Variants in PTPN14 observed in about 807,000 individuals in gnomAD.
PTPN14 encodes protein tyrosine phosphatase non-receptor type 14, also known as tyrosine-protein phosphatase non-receptor type 14.
Under a neutral mutation model 126.8 loss-of-function variants are expected in PTPN14, and 53 were observed. The ratio of observed to expected loss-of-function variants is 0.42; its 90% CI spans 0.34 to 0.53. The LOEUF is 0.53. Among genes scored for constraint, PTPN14 ranks in the 20% least tolerant of loss-of-function variants. The pLI, the probability that PTPN14 is intolerant of heterozygous loss-of-function variation, is 0.08. For missense variants in PTPN14, 1,257 were observed against 1,552.9 expected, an observed-to-expected ratio of 0.81 and a Z score of 3.20; for synonymous variants, 630 against 599.3, an observed-to-expected ratio of 1.05 and a Z score of -0.75.
At chr1:214,506,533 A>G (rs970718071) in intron 1 of PTPN14, among the ~76,000 whole-genome samples, 5 of 152,158 alleles carry the variant, frequency 3.3e-5, no homozygotes, top group African/African-American at 9.7e-5. Context: ...AAATAAATAA[A>G]TAAATAAATA....
chr1:214,369,391 C>T, intron 17 of PTPN14, 66 bp downstream of exon 17: 16 of 1,439,116 alleles, frequency 1.1e-5, no homozygotes, highest in Non-Finnish European at 1.5e-5. Context: ...TCATCTCCAA[C>T]AGATGAATTA....
intron 3 of PTPN14, among the ~76,000 whole-genome samples, chr1:214,430,609 T>G (rs11810814): frequency 0.15 from 22,217 of 152,224 alleles, 1,768 homozygotes; most frequent in South Asian, 0.27. Context: ...GACTTGAACT[T>G]CAATCTTCCC....
chr1:214,377,409 G>C (rs1658368497), intron 14 of PTPN14, among the ~76,000 whole-genome samples: 1 of 152,072 alleles, frequency 6.6e-6, no homozygotes, highest in African/African-American at 2.4e-5. Context: ...GGAGCAGAGA[G>C]GATAACCATG....
intron 4 of PTPN14, among the ~76,000 whole-genome samples, chr1:214,413,174 G>A (rs1169237374): frequency 6.6e-6 from 1 of 152,098 alleles, no homozygotes; most frequent in Non-Finnish European, 1.5e-5. Context: ...ACCACACCCA[G>A]CCCAACGAAA....
At chr1:214,390,056 C>A (rs1189891868) in intron 11 of PTPN14, among the ~76,000 whole-genome samples, 3 of 152,180 alleles carry the variant, frequency 2.0e-5, no homozygotes, top group African/African-American at 4.8e-5. Context: ...AAAACGCTCC[C>A]TTCAAAAGAC....
At chr1:214,465,970 T>TTTTTTTTTTTTTTTTTTTG in intron 1 of PTPN14, among the ~76,000 whole-genome samples, 1 of 137,336 alleles carries the variant, frequency 7.3e-6, no homozygotes, top group African/African-American at 2.9e-5. Context: ...TTTTTTTTTT[T>TTTTTTTTTTTTTTTTTTTG]TGTGAAGACG....
chr1:214,519,647 A>T (rs41341746), intron 1 of PTPN14, among the ~76,000 whole-genome samples: 2,969 of 152,292 alleles, frequency 0.019, 81 homozygotes, highest in African/African-American at 0.068. Context: ...GCTTGCATAT[A>T]CTGTTTTTTG....
intron 2 of PTPN14, among the ~76,000 whole-genome samples, chr1:214,452,246 C>T (rs1380042888): frequency 1.3e-5 from 2 of 152,184 alleles, no homozygotes; most frequent in Non-Finnish European, 2.9e-5. Context: ...TAAGGGGAGT[C>T]GCGCAGGGAA....
chr1:214,462,876 TATTAAGACTCTC>T (rs1660543300), intron 2 of PTPN14, among the ~76,000 whole-genome samples: 1 of 152,226 alleles, frequency 6.6e-6, no homozygotes, highest in Non-Finnish European at 1.5e-5. Flanking sequence ...TTAAGTTGTT[TATTAAGACTCTC>T]AAATTTGAAC....
At position 214,373,629 on chromosome 1, in the gene PTPN14, G is replaced by A. The variant is rs116469625; in HGVS notation, c.2908-790C>T. Among the ~76,000 whole-genome samples the A allele has an allele frequency of 5.0e-4, 71 of 142,832 alleles. 1 individual carries two copies. The highest frequency in any genetic ancestry group is 1.7e-3 in the African/African-American group (66 of 37,768). 93.7% of individuals were successfully genotyped at this position (142,832 alleles called of 152,430 possible). On this transcript the variant is annotated intron_variant, in intron 15 of 18. Transcript: ENST00000366956. Reference sequence around the variant, plus strand: ...CACACCTGGTCATGACCACTAAACTGATTTCACATTCTACCACTGTGTTGT... The same window carrying A: ...CACACCTGGTCATGACCACTAAACTAATTTCACATTCTACCACTGTGTTGT...
At chr1:214,548,380 G>A (rs1446121062) in intron 1 of PTPN14, among the ~76,000 whole-genome samples, 1 of 152,266 alleles carries the variant, frequency 6.6e-6, no homozygotes, top group South Asian at 2.1e-4. Context: ...ATTTAAATCC[G>A]TAAGGGGAGA....
intron 15 of PTPN14, among the ~76,000 whole-genome samples, chr1:214,375,520 T>C (rs1004234914): frequency 2.0e-5 from 3 of 152,178 alleles, no homozygotes; most frequent in African/African-American, 7.2e-5. Context: ...CTGAGGAAGG[T>C]AAGCTATTTA....
chr1:214,494,359 G>A (rs1031382298), intron 1 of PTPN14, among the ~76,000 whole-genome samples: 1 of 152,056 alleles, frequency 6.6e-6, no homozygotes, highest in African/African-American at 2.4e-5. Flanking sequence ...ACAGCACCCG[G>A]CCCCTCCTCT....
Position 214,364,766 on chromosome 1 carries a change from AGTGTGTGTGTGTGTGTGTGTGTGTGT to A in PTPN14, c.3272-117_3272-92del, listed in dbSNP as rs57429060. 21 of 590,314 alleles carry A rather than the reference AGTGTGTGTGTGTGTGTGTGTGTGTGT, an allele frequency of 3.6e-5. No homozygotes were observed. The highest frequency in any genetic ancestry group is 5.8e-5 in the Non-Finnish European group (21 of 363,630). The allele number at this position is 590,314 out of a possible 1,614,324, so 36.6% of individuals were successfully genotyped here. A position where few individuals can be genotyped will look rare whatever the true frequency, so the allele number is the denominator to read the frequency against. On this transcript the variant is annotated intron_variant, in intron 17 of 18. Transcript: ENST00000366956. This position sits in a 1 kb window ranked among gnomAD's most constrained non-coding sequence, Gnocchi z 4.1. ...GGGGAGCGGAAGAGAACTGATGGTG[AGTGTGTGTGTGTGTGTGTGTGTGTGT>A]GTGTGTGTGTGTGTTTTAAGTGACA...
In PTPN14 at chr1:214,473,403, C is replaced by T. The variant is rs145235660; in HGVS notation, c.-154-8446G>A. On this transcript the variant is annotated intron_variant, in intron 1 of 18. Transcript: ENST00000366956. The stretch of plus-strand genomic sequence containing the variant: ...AAATCCAAATCCTAAACATGGTCAC[C>T]GCACTTTCTTTTTAGTTCCCATGCT... 2.0e-5 allele frequency among the ~76,000 whole-genome samples: 3 copies of T among 152,310 alleles called. No individual in the cohort carries two copies. In the East Asian group the frequency reaches 5.8e-4, roughly 29 times the overall value.
At chr1:214,528,758 C>T (rs1016452321) in intron 1 of PTPN14, 3 of 151,918 alleles carry the variant, frequency 2.0e-5, no homozygotes, top group Non-Finnish European at 4.4e-5. Context: ...TGGTGAAACT[C>T]CATCTCTACT....
chr1:214,426,829 G>A (rs2102601340), intron 3 of PTPN14, among the ~76,000 whole-genome samples: 1 of 152,330 alleles, frequency 6.6e-6, no homozygotes, highest in African/African-American at 2.4e-5. Flanking sequence ...AGATGCCAGT[G>A]TGGGGCAGTC....
intron 1 of PTPN14, among the ~76,000 whole-genome samples, chr1:214,492,177 T>C (rs1330968225): frequency 6.6e-6 from 1 of 151,866 alleles, no homozygotes; most frequent in African/African-American, 2.4e-5. Context: ...TGCAGGATAC[T>C]GTGTTTAAAA....
rs17022751 is a variant in PTPN14, at chr1:214,374,187, C to T, written c.2908-1348G>A. On this transcript the variant is annotated intron_variant, in intron 15 of 18. Transcript: ENST00000366956. ...AGAGTTCAAAAAGTAATGAAGTAAT[C>T]ATTGTTTGAAACTTTTTCCCCTCAT... 7.3e-3 allele frequency among the ~76,000 whole-genome samples: 1,105 copies of T among 152,276 alleles called. 11 individuals carry two copies. The highest frequency in any genetic ancestry group is 0.025 in the African/African-American group (1,048 of 41,558).
Sources: gnomAD v4.1 joint callset for allele counts (sites outside exome capture counted in the v4.1 genomes callset) on GRCh38, gnomAD v4.1.1 for gene constraint, Gnocchi (gnomAD v3.1) non-coding constraint, MANE v1.5 for transcripts, NCBI Gene and HGNC (gene_info 2026-07-23, HGNC 2026-07-21) for gene names.